The following VIPAS39 variants were observed in gnomAD, a reference collection of about 807,000 sequenced individuals.
The protein encoded by VIPAS39 is spermatogenesis-defective protein 39 homolog.
Under a neutral mutation model 84.7 loss-of-function variants are expected in VIPAS39, and 63 were observed. The observed-to-expected ratio is 0.74, with a 90% CI of 0.61 to 0.92. The LOEUF (loss-of-function observed/expected upper bound fraction) is 0.92. Among genes scored for constraint, VIPAS39 ranks in the 40% least tolerant of loss-of-function variants. VIPAS39 has a pLI of 0.00. For synonymous variants in VIPAS39, 192 were observed against 216.5 expected, an observed-to-expected ratio of 0.89 and a Z score of 0.99; for missense variants, 499 against 604.5, an observed-to-expected ratio of 0.83 and a Z score of 1.83.
rs1163364424 is a variant in VIPAS39, at chr14:77,427,629, C to G, written c.1469G>C (p.Arg490Pro). The G allele has an allele frequency of 1.2e-6, 2 of 1,614,000 alleles. No homozygotes were observed. The highest frequency in any genetic ancestry group is 2.7e-5 in the African/African-American group (2 of 74,908). The change falls in exon 20 of 20, where the codon CGA (arginine) becomes CCA (proline). Residue 490 changes from arginine (R) to proline (P), a missense_variant. By Grantham distance (103) the Arg-to-Pro change is moderately radical. Coordinates refer to ENST00000557658, the MANE Select transcript of VIPAS39 (RefSeq NM_001193315.2). ...IDALLSSSQIRWKN is the reference protein window; with the variant it reads ...IDALLSSSQIPWKN The stretch of plus-strand genomic sequence containing the variant: ...AGTCAATGCCACTTAATTCTTCCAT[C>G]GAATTTGCTGTGGAAAGAGGAAACA...
At chr14:77,428,348 G>T in intron 19 of VIPAS39, 22 bp downstream of exon 19, 1 of 1,595,906 alleles carries the variant, frequency 6.3e-7, no homozygotes, top group Non-Finnish European at 8.6e-7. Flanking sequence ...GCCTGCTGGA[G>T]GGGTGAACTG....
chr14:77,427,294 TC>T lies in VIPAS39; in HGVS notation c.*321del, dbSNP rs1437734736. ...GCCACCCTATGACTCCCATACCTCT[TC>T]CTTTCTGGAGCAGTCACTTTTCTCA... On this transcript the variant is annotated 3_prime_UTR_variant, in exon 20 of 20. Transcript: ENST00000557658. 2 of 416,518 alleles carry T rather than the reference TC, an allele frequency of 4.8e-6. No homozygotes were observed. The highest frequency in any genetic ancestry group is 8.9e-6 in the Non-Finnish European group (2 of 225,758). 25.8% of individuals were successfully genotyped at this position (416,518 alleles called of 1,614,324 possible).
chr14:77,453,888 TG>T, intron 2 of VIPAS39, 121 bp downstream of exon 2: 3 of 876,326 alleles, frequency 3.4e-6, no homozygotes, highest in Non-Finnish European at 5.7e-6. Context: ...ACAATCCTTC[TG>T]GCTCTTTTCT....
At chr14:77,434,902 G>GA (rs553201076) in intron 14 of VIPAS39, among the ~76,000 whole-genome samples, 184 of 132,908 alleles carry the variant, frequency 1.4e-3, no homozygotes, top group Middle Eastern at 3.8e-3. Context: ...CCATCTCAGA[G>GA]AAAAAAAAAA....
At position 77,441,169 on chromosome 14, in the gene VIPAS39, C is replaced by T. The variant is rs1356566458; in HGVS notation, c.735-76G>A. ...AGTATAACCTCACAAAATCGAGTGC[C>T]TCCTCTAGGAGAAACACAATTCAAA... is the stretch of plus-strand genomic sequence containing the variant. On this transcript the variant is annotated intron_variant, in intron 10 of 19. Coordinates refer to ENST00000557658, the MANE Select transcript of VIPAS39 (RefSeq NM_001193315.2). The T allele has an allele frequency of 2.6e-6, 4 of 1,539,606 alleles. No homozygotes were observed. The African/African-American group carries it at 4.1e-5, about 16-fold the overall frequency.
At chr14:77,449,615 T>TCATCTTGTCATCTAATTACTACC in intron 5 of VIPAS39, 99 bp downstream of exon 5, 1 of 1,493,682 alleles carries the variant, frequency 6.7e-7, no homozygotes, top group South Asian at 1.1e-5. Context: ...AGAAGAAAGT[T>TCATCTTGTCATCTAATTACTACC]CATCTTGTCA....
At chr14:77,433,995 A>C in intron 15 of VIPAS39, 64 bp from the exon 16 acceptor site, 1 of 1,528,134 alleles carries the variant, frequency 6.5e-7, no homozygotes, top group Non-Finnish European at 9.0e-7. Flanking sequence ...GGTGCTTAAG[A>C]ATTTTAGAAA....
intron 1 of VIPAS39, 78 bp downstream of exon 1, chr14:77,457,417 G>T: frequency 6.5e-7 from 1 of 1,534,274 alleles, no homozygotes; most frequent in Non-Finnish European, 8.7e-7. Context: ...ATGCCTCCTA[G>T]AAGAGGGGAA....
chr14:77,435,904 T>G lies in VIPAS39; in HGVS notation c.852A>C (p.Ala284=), dbSNP rs926217773. The G allele has an allele frequency of 1.2e-6, 2 of 1,614,194 alleles. No homozygotes were observed. Among genetic ancestry groups the G allele is most frequent in the Non-Finnish European group, 1.7e-6 (2 of 1,180,014 alleles). ...LKTCVGLPFS[A]EDSAHIQDHY... is the part of the protein sequence containing the mutation. ...GGTCCTGTATGTGTGCGGAATCTTC[T>G]GCTGAAAATGGCAAACTGGTAGAGT... The change falls in exon 13 of 20, where the codon GCA becomes GCC. Residue 284 remains alanine, a synonymous_variant. Transcript: ENST00000557658.
At chr14:77,437,760 T>C in intron 12 of VIPAS39, 48 bp downstream of exon 12, 1 of 1,581,780 alleles carries the variant, frequency 6.3e-7, no homozygotes, top group East Asian at 2.2e-5. Flanking sequence ...CTTCATTCCT[T>C]CTGGGTAAAG....
At chr14:77,435,427 A>AAAAAC in intron 13 of VIPAS39, 34 bp from the exon 14 acceptor site, 1 of 1,611,176 alleles carries the variant, frequency 6.2e-7, no homozygotes, top group Non-Finnish European at 8.5e-7. Context: ...AAAAAAAAAA[A>AAAAAC]AACAATGTCC....
chr14:77,434,067 G>A, intron 15 of VIPAS39, 136 bp from the exon 16 acceptor site: 1 of 1,213,008 alleles, frequency 8.2e-7, no homozygotes, highest in South Asian at 1.3e-5. Flanking sequence ...AAATTTCTCA[G>A]TTCAAGAACT....
At chr14:77,443,321 G>A (rs182494180) in intron 8 of VIPAS39, among the ~76,000 whole-genome samples, 169 bp from the exon 9 acceptor site, 2 of 152,186 alleles carry the variant, frequency 1.3e-5, no homozygotes, top group African/African-American at 4.8e-5. Flanking sequence ...GCTGTGTCTT[G>A]AGAGTCCACA....
At chr14:77,438,819 T>G (rs2078655731) in intron 11 of VIPAS39, among the ~76,000 whole-genome samples, 1 of 152,238 alleles carries the variant, frequency 6.6e-6, no homozygotes, top group East Asian at 1.9e-4. Flanking sequence ...CATGTCATTC[T>G]GACTCACTGT....
chr14:77,444,408 C>G lies in VIPAS39; in HGVS notation c.505-67G>C. On this transcript the variant is annotated intron_variant, in intron 7 of 19. Transcript: ENST00000557658. ...TTCTTTATTCCTTTGTTGCTGGATACTAAAGAATAAGCAATAATGAAACAA... is the reference window on the plus strand; with the variant it reads ...TTCTTTATTCCTTTGTTGCTGGATAGTAAAGAATAAGCAATAATGAAACAA... 2.9e-6 allele frequency: 4 copies of G among 1,399,982 alleles called. No homozygotes were observed. In the East Asian group the frequency reaches 7.0e-5, roughly 25 times the overall value. 86.7% of individuals were successfully genotyped at this position (1,399,982 alleles called of 1,614,324 possible).
intron 16 of VIPAS39, among the ~76,000 whole-genome samples, chr14:77,430,989 A>C (rs1322186742): frequency 6.6e-6 from 1 of 152,226 alleles, no homozygotes; most frequent in Non-Finnish European, 1.5e-5. Context: ...TTCCACATGC[A>C]AAAGAATGAA....
intron 11 of VIPAS39, among the ~76,000 whole-genome samples, chr14:77,438,627 G>A (rs1266009316): frequency 6.6e-6 from 1 of 152,196 alleles, no homozygotes; most frequent in East Asian, 1.9e-4. Context: ...TTACCTTTAA[G>A]TTTCACTTTA....
intron 7 of VIPAS39, among the ~76,000 whole-genome samples, chr14:77,446,259 A>AT (rs1033004274): frequency 3.3e-5 from 5 of 151,826 alleles, no homozygotes; most frequent in Non-Finnish European, 5.9e-5. Flanking sequence ...TTATTTATTC[A>AT]TTTTTTCATT....
rs763086624 is a variant in VIPAS39 at position 77,448,526 on chromosome 14, T to C, written c.472A>G (p.Ser158Gly). ...TTCCGGAGACGTCGCACTGTATCAC[T>C]GGGGCTCCAGTCATTGCTGTAATCC... ...YRDYSNDWSP[S>G]DTVRRLRKGK... Residue 158 changes from serine (S) to glycine (G), a missense_variant, in exon 7 of 20, where the codon AGT (serine) becomes GGT (glycine). By Grantham distance (56) the Ser-to-Gly change is moderately conservative. Coordinates refer to ENST00000557658, the MANE Select transcript of VIPAS39 (RefSeq NM_001193315.2). 2 of 1,614,178 alleles carry C rather than the reference T, an allele frequency of 1.2e-6. No individual in the cohort carries two copies. The highest frequency in any genetic ancestry group is 1.7e-5 in the Admixed American group (1 of 60,024).
Sources: gnomAD v4.1 joint callset for allele counts (sites outside exome capture counted in the v4.1 genomes callset) on GRCh38, gnomAD v4.1.1 for gene constraint, MANE v1.5 for transcripts, NCBI Gene and HGNC (gene_info 2026-07-23, HGNC 2026-07-21) for gene names.